Variants in C2orf76 observed in about 807,000 individuals in gnomAD.
The protein encoded by C2orf76 is chromosome 2 open reading frame 76.
C2orf76 carries 23 observed loss-of-function variants against 16.9 expected under a neutral mutation model. The ratio of observed to expected loss-of-function variants is 1.36; its 90% CI spans 0.98 to 1.93. The LOEUF is 1.93. Among genes scored for constraint, C2orf76 ranks in the 30% most tolerant of loss-of-function variants. The pLI, the probability that C2orf76 is intolerant of heterozygous loss-of-function variation, is 0.00. For synonymous variants in C2orf76, 48 were observed against 52.3 expected, an observed-to-expected ratio of 0.92 and a Z score of 0.35; for missense variants, 152 against 152.6, an observed-to-expected ratio of 1.00 and a Z score of 0.02.
chr2:119,358,083 TG>T (rs1470861088), intron 1 of C2orf76, among the ~76,000 whole-genome samples: 1 of 152,200 alleles, frequency 6.6e-6, no homozygotes, highest in African/African-American at 2.4e-5. Context: ...AACACTGCAA[TG>T]GCCTCTAAGT....
chr2:119,329,357 A>C (rs1679603191), intron 2 of C2orf76, among the ~76,000 whole-genome samples: 1 of 152,186 alleles, frequency 6.6e-6, no homozygotes, highest in Admixed American at 6.5e-5. Context: ...GATTCATATC[A>C]GCATGGTATA....
intron 2 of C2orf76, among the ~76,000 whole-genome samples, chr2:119,333,989 T>C (rs1416396277): frequency 6.6e-6 from 1 of 152,104 alleles, no homozygotes; most frequent in Non-Finnish European, 1.5e-5. Context: ...GATGGGGTCA[T>C]ACTGTGTTGT....
chr2:119,303,500 CAATT>C (rs571566529), intron 5 of C2orf76, among the ~76,000 whole-genome samples: 1 of 152,168 alleles, frequency 6.6e-6, no homozygotes, highest in Admixed American at 6.5e-5. Context: ...ACTGAGCACT[CAATT>C]AACATACTCT....
At chr2:119,347,573 T>TA (rs1680245364) in intron 1 of C2orf76, among the ~76,000 whole-genome samples, 1 of 151,930 alleles carries the variant, frequency 6.6e-6, no homozygotes, top group Non-Finnish European at 1.5e-5. Context: ...AAGCGTAGAT[T>TA]AAAAAAAGAA....
the C2orf76 span, among the ~76,000 whole-genome samples, chr2:119,284,753 A>G: frequency 6.6e-6 from 1 of 151,954 alleles, no homozygotes; most frequent in African/African-American, 2.4e-5. Context: ...ATGCATGGAC[A>G]GGACATTTTT....
chr2:119,317,551 T>C, intron 3 of C2orf76, 48 bp from the exon 4 acceptor site: 1 of 1,483,270 alleles, frequency 6.7e-7, no homozygotes, highest in Non-Finnish European at 9.3e-7. Flanking sequence ...ATTCTAAACT[T>C]CTTTTCAAAT....
At chr2:119,298,391 TG>T (rs1678570847), downstream of C2orf76, among the ~76,000 whole-genome samples, 1 of 152,178 alleles carries the variant, frequency 6.6e-6, no homozygotes, top group African/African-American at 2.4e-5. Flanking sequence ...TATTAGCTAT[TG>T]TTTCCATGTA....
chr2:119,342,567 G>A (rs1406932348), intron 1 of C2orf76, among the ~76,000 whole-genome samples: 3 of 151,630 alleles, frequency 2.0e-5, no homozygotes, highest in Non-Finnish European at 2.9e-5. Context: ...AGCAGAGATC[G>A]TGCCACTGCA....
chr2:119,298,084 T>C (rs529246690), downstream of C2orf76, among the ~76,000 whole-genome samples: 4 of 152,310 alleles, frequency 2.6e-5, no homozygotes, highest in African/African-American at 7.2e-5. Context: ...GCTGAAACTA[T>C]AGGCATGCAT....
At chr2:119,315,948 G>A (rs1679157306) in intron 4 of C2orf76, among the ~76,000 whole-genome samples, 1 of 152,118 alleles carries the variant, frequency 6.6e-6, no homozygotes, top group African/African-American at 2.4e-5. Flanking sequence ...TCTCCACTAA[G>A]ATAAAGGAAT....
At position 119,311,672 on chromosome 2, in the gene C2orf76, T is replaced by C. The variant is rs760593514; in HGVS notation, c.254A>G (p.Asp85Gly). ...TNELVLSLEDDERLLLKEDST... is the reference protein window; with the variant it reads ...TNELVLSLEDGERLLLKEDST... ...GTCTTCTTTCAGCAGGAGTCTTTCG[T>C]CATCTTCCAAACTCAACACAAGTTC... is the stretch of plus-strand genomic sequence containing the variant. The change falls in exon 5 of 6, where the codon GAC becomes GGC. Residue 85 changes from aspartate to glycine, a missense_variant. Transcript: ENST00000334816. 2 of 1,612,492 alleles carry C rather than the reference T, an allele frequency of 1.2e-6. No individual in the cohort carries two copies. The highest frequency in any genetic ancestry group is 1.7e-6 in the Non-Finnish European group (2 of 1,179,848).
intron 1 of C2orf76, among the ~76,000 whole-genome samples, chr2:119,355,678 C>G (rs536070730): frequency 2.0e-5 from 3 of 152,210 alleles, no homozygotes; most frequent in South Asian, 4.2e-4. Flanking sequence ...GTTGCATGCT[C>G]CTTATGAGAA....
At chr2:119,292,311 G>A in the C2orf76 span, among the ~76,000 whole-genome samples, 109 of 152,182 alleles carry the variant, frequency 7.2e-4, no homozygotes, top group African/African-American at 2.5e-3. Context: ...GACAATCTAG[G>A]ACACTTATCT....
the C2orf76 span, among the ~76,000 whole-genome samples, chr2:119,293,338 G>C: frequency 6.6e-6 from 1 of 152,226 alleles, no homozygotes; most frequent in Non-Finnish European, 1.5e-5. Flanking sequence ...AAAAAATGTA[G>C]AAAAGTCACT....
chr2:119,334,142 T>A (rs747309113), intron 2 of C2orf76, among the ~76,000 whole-genome samples: 2 of 152,056 alleles, frequency 1.3e-5, no homozygotes, highest in Non-Finnish European at 2.9e-5. Context: ...AAAGTCTACA[T>A]ACTGTATGAT....
chr2:119,367,009 G>A, upstream of C2orf76: 2 of 1,613,488 alleles, frequency 1.2e-6, no homozygotes, highest in Non-Finnish European at 1.7e-6. Context: ...CCTGGTCCTC[G>A]CCTCCTCCGC....
the C2orf76 span, among the ~76,000 whole-genome samples, chr2:119,284,386 T>C: frequency 1.3e-5 from 2 of 152,144 alleles, no homozygotes; most frequent in African/African-American, 2.4e-5. Flanking sequence ...CCAAACTGTG[T>C]ACAGTTGTAG....
chr2:119,305,942 C>CAAAAAAAAAAAAAAACAAA (rs1678766216), intron 5 of C2orf76, among the ~76,000 whole-genome samples: 1 of 119,630 alleles, frequency 8.4e-6, no homozygotes. Context: ...AAAACAACAA[C>CAAAAAAAAAAAAAAACAAA]AAAAAAAAAA....
upstream of C2orf76, chr2:119,366,984 T>C (rs2104672363): frequency 6.2e-7 from 1 of 1,606,920 alleles, no homozygotes; most frequent in East Asian, 2.2e-5. Context: ...GCCAGTGCAA[T>C]CTGGGCGATC....
Sources: allele counts gnomAD v4.1 joint callset (sites outside exome capture counted in the v4.1 genomes callset), GRCh38; gene constraint gnomAD v4.1.1; transcripts MANE v1.5; gene names NCBI Gene and HGNC (gene_info 2026-07-23, HGNC 2026-07-21).